The following LSAMP variants were observed in gnomAD, a reference collection of about 807,000 sequenced individuals.
LSAMP encodes the protein limbic system associated membrane protein.
Under a neutral mutation model 38.6 loss-of-function variants are expected in LSAMP, and 7 were observed. The ratio of observed to expected loss-of-function variants is 0.18; its 90% confidence interval spans 0.10 to 0.34. The LOEUF (loss-of-function observed/expected upper bound fraction) is 0.34. Among genes scored for constraint, LSAMP ranks in the 10% least tolerant of loss-of-function variants. LSAMP has a pLI of 1.00. For synonymous variants in LSAMP, 154 were observed against 166.8 expected (o/e 0.92, Z 0.59); for missense variants, 313 against 420.0 (o/e 0.75, Z 2.23).
Position 116,445,059 on chromosome 3 carries a change from G to C in LSAMP, c.-28C>G, listed in dbSNP as rs1215123571. On this transcript the variant is annotated 5_prime_UTR_variant, in exon 1 of 7. Coordinates refer to ENST00000490035, the MANE Select transcript of LSAMP (RefSeq NM_002338.5). ...TGGCCACGCCGAGGTGCGGGTCCGCGGGGTGCTCTGGAGGGGTGCGCGCTG... is the reference window on the plus strand; with the variant it reads ...TGGCCACGCCGAGGTGCGGGTCCGCCGGGTGCTCTGGAGGGGTGCGCGCTG... 6.3e-7 allele frequency: 1 copy of C among 1,597,904 alleles called. No homozygotes were observed. Among genetic ancestry groups the C allele is most frequent in the Non-Finnish European group, 8.5e-7 (1 of 1,171,034 alleles).
chr3:116,159,051 T>C (rs1447803575), intron 1 of LSAMP, among the ~76,000 whole-genome samples: 2 of 151,920 alleles, frequency 1.3e-5, no homozygotes, highest in African/African-American at 2.4e-5. Context: ...ATGCAATAAA[T>C]GGGGCAGAAG....
chr3:116,323,869 A>AGAT, intron 1 of LSAMP, among the ~76,000 whole-genome samples: 1 of 152,146 alleles, frequency 6.6e-6, no homozygotes, highest in East Asian at 1.9e-4. Context: ...TTGCTCATGA[A>AGAT]GATGTAAGAA....
At chr3:115,941,125 C>T (rs1472125956) in intron 3 of LSAMP, among the ~76,000 whole-genome samples, 1 of 151,986 alleles carries the variant, frequency 6.6e-6, no homozygotes, top group African/African-American at 2.4e-5. Context: ...AGCAAAGAAC[C>T]TCCTGAATAG....
At chr3:116,164,121 T>C (rs549985730) in intron 1 of LSAMP, among the ~76,000 whole-genome samples, 141 of 152,298 alleles carry the variant, frequency 9.3e-4, no homozygotes, top group Non-Finnish European at 1.7e-3. Flanking sequence ...CAAATATTTG[T>C]ACAAATATTG....
At chr3:115,902,643 T>G (rs1936906232) in intron 3 of LSAMP, among the ~76,000 whole-genome samples, 1 of 151,866 alleles carries the variant, frequency 6.6e-6, no homozygotes, top group African/African-American at 2.4e-5. Context: ...AAAAAATTTA[T>G]AAGAAAAAAC....
chr3:115,810,476 A>T, intron 6 of LSAMP, 62 bp from the exon 7 acceptor site: 2 of 1,098,680 alleles, frequency 1.8e-6, no homozygotes, highest in South Asian at 2.6e-5. Flanking sequence ...TGTATGTTAT[A>T]GCTGACTGCT....
intron 1 of LSAMP, among the ~76,000 whole-genome samples, chr3:116,130,213 C>T (rs1342089439): frequency 1.3e-5 from 2 of 152,190 alleles, no homozygotes; most frequent in African/African-American, 2.4e-5. Context: ...TCTCCTATCC[C>T]CTCATTACCT....
chr3:116,185,843 C>G (rs531373084), intron 1 of LSAMP, among the ~76,000 whole-genome samples: 1 of 149,140 alleles, frequency 6.7e-6, no homozygotes, highest in Non-Finnish European at 1.5e-5. Context: ...CTATTACTTA[C>G]TGCTGAAAAT....
rs533235904 is a variant in LSAMP at position 116,281,094 on chromosome 3, A to T, written c.155+163783T>A. Among the ~76,000 whole-genome samples the T allele has an allele frequency of 4.6e-5, 7 of 152,306 alleles. No individual in the cohort carries two copies. In the East Asian group the frequency reaches 1.4e-3, roughly 29 times the overall value. ...ACCAGCAGTTGCAAACTTGGAAAAAATACAGGCATGAGAGCTAAGGGATTC... is the reference window on the plus strand; with the variant it reads ...ACCAGCAGTTGCAAACTTGGAAAAATTACAGGCATGAGAGCTAAGGGATTC... On this transcript the variant is annotated intron_variant, in intron 1 of 6. Transcript: ENST00000490035.
intron 3 of LSAMP, among the ~76,000 whole-genome samples, chr3:116,005,501 G>C (rs1177717204): frequency 6.6e-6 from 1 of 152,128 alleles, no homozygotes; most frequent in Non-Finnish European, 1.5e-5. Context: ...ACCTTTGACA[G>C]GAAATAGAAC....
intron 3 of LSAMP, among the ~76,000 whole-genome samples, chr3:116,018,342 C>T (rs1313569246): frequency 2.0e-5 from 3 of 152,132 alleles, no homozygotes; most frequent in Non-Finnish European, 4.4e-5. Flanking sequence ...CCACACAATA[C>T]AGATAGTTTT....
At chr3:115,883,599 T>C (rs1399782629) in intron 3 of LSAMP, among the ~76,000 whole-genome samples, 1 of 152,088 alleles carries the variant, frequency 6.6e-6, no homozygotes, top group Non-Finnish European at 1.5e-5. Context: ...GGTAGATGCA[T>C]GGAAATCAGG....
At chr3:116,266,481 G>T (rs545288519) in intron 1 of LSAMP, among the ~76,000 whole-genome samples, 66 of 152,278 alleles carry the variant, frequency 4.3e-4, no homozygotes, top group African/African-American at 1.4e-3. Context: ...GAATGTATTT[G>T]ATTTACAGGA....
At chr3:115,937,522 T>C (rs1937744061) in intron 3 of LSAMP, among the ~76,000 whole-genome samples, 1 of 151,960 alleles carries the variant, frequency 6.6e-6, no homozygotes. Flanking sequence ...ACACCCATGG[T>C]CCCAGCTACT....
At chr3:116,093,782 A>G (rs1708171496) in intron 1 of LSAMP, among the ~76,000 whole-genome samples, 1 of 152,190 alleles carries the variant, frequency 6.6e-6, no homozygotes, top group African/African-American at 2.4e-5. Context: ...ATATGGAAAG[A>G]TTCAAGATGT....
chr3:116,332,006 T>G (rs886898603), intron 1 of LSAMP, among the ~76,000 whole-genome samples: 1 of 151,932 alleles, frequency 6.6e-6, no homozygotes, highest in Non-Finnish European at 1.5e-5. Flanking sequence ...ATGAGCTATT[T>G]TTTGCTTATT....
chr3:115,889,886 CT>C (rs949297557), intron 3 of LSAMP, among the ~76,000 whole-genome samples: 1 of 151,924 alleles, frequency 6.6e-6, no homozygotes, highest in African/African-American at 2.4e-5. Context: ...TTAAGAGCAT[CT>C]TATATTGCAT....
chr3:116,165,245 C>T (rs1165616121), intron 1 of LSAMP, among the ~76,000 whole-genome samples: 2 of 152,202 alleles, frequency 1.3e-5, no homozygotes, highest in Non-Finnish European at 2.9e-5. Context: ...CTGACCTCTC[C>T]CCAGACACAG....
At chr3:116,130,221 C>A (rs1709094193) in intron 1 of LSAMP, among the ~76,000 whole-genome samples, 1 of 152,174 alleles carries the variant, frequency 6.6e-6, no homozygotes, top group Non-Finnish European at 1.5e-5. Context: ...CCCCTCATTA[C>A]CTGTTTCCCT....
Sources: gnomAD v4.1 joint callset for allele counts (sites outside exome capture counted in the v4.1 genomes callset) on GRCh38, gnomAD v4.1.1 for gene constraint, MANE v1.5 for transcripts, NCBI Gene and HGNC (gene_info 2026-07-23, HGNC 2026-07-21) for gene names.